Variants in PIGL observed in about 807,000 individuals in gnomAD.
PIGL encodes the protein phosphatidylinositol glycan anchor biosynthesis class L.
A neutral mutation model predicts 31.1 loss-of-function variants in PIGL; 22 were observed. That is an observed-to-expected ratio of 0.71 (90% confidence interval 0.51 to 1.01). The LOEUF (loss-of-function observed/expected upper bound fraction) is 1.01. Among genes scored for constraint, PIGL ranks in the 50% least tolerant of loss-of-function variants. PIGL has a pLI of 0.00. For synonymous variants in PIGL, 131 were observed against 117.4 expected (o/e 1.12, Z -0.75); for missense variants, 302 against 315.9 (o/e 0.96, Z 0.33).
At chr17:16,322,932 A>C (rs570479646) in intron 6 of PIGL, among the ~76,000 whole-genome samples, 8 of 152,232 alleles carry the variant, frequency 5.3e-5, no homozygotes, top group African/African-American at 1.2e-4. Flanking sequence ...TCCTAAGCAC[A>C]AGAGGCTGTA....
intron 4 of PIGL, among the ~76,000 whole-genome samples, chr17:16,314,942 G>A (rs2093069448): frequency 1.3e-5 from 2 of 152,136 alleles, no homozygotes; most frequent in Non-Finnish European, 2.9e-5. Flanking sequence ...CACTGAGCCT[G>A]GTGATTTCTC....
chr17:16,318,903 C>G (rs189003129), intron 6 of PIGL, among the ~76,000 whole-genome samples: 9 of 151,598 alleles, frequency 5.9e-5, no homozygotes, highest in Non-Finnish European at 1.2e-4. Context: ...TGTACTCCAG[C>G]CTGGGTGACA....
At chr17:16,311,297 C>CTT (rs141385032) in intron 3 of PIGL, among the ~76,000 whole-genome samples, 54 of 147,704 alleles carry the variant, frequency 3.7e-4, no homozygotes, top group Non-Finnish European at 5.2e-4. Context: ...TTTGTTTTTT[C>CTT]TTTTTTTTAG....
chr17:16,238,783 C>T (rs2092710262), intron 2 of PIGL, among the ~76,000 whole-genome samples: 2 of 150,608 alleles, frequency 1.3e-5, no homozygotes, highest in Non-Finnish European at 3.0e-5. Context: ...GTGGTACGTG[C>T]CTGTAATCCC....
chr17:16,320,482 C>CAATG (rs71150291), intron 6 of PIGL, among the ~76,000 whole-genome samples: 2 of 130,608 alleles, frequency 1.5e-5, no homozygotes, highest in Admixed American at 1.7e-4. Context: ...AGGGAGGAAA[C>CAATG]GAGGGAGGGA....
intron 2 of PIGL, among the ~76,000 whole-genome samples, chr17:16,289,870 G>T (rs770190524): frequency 6.6e-6 from 1 of 152,092 alleles, no homozygotes; most frequent in Non-Finnish European, 1.5e-5. Context: ...TCCACCTCCT[G>T]GGTTAAAGCG....
intron 2 of PIGL, among the ~76,000 whole-genome samples, chr17:16,256,129 A>G (rs146127994): frequency 8.5e-5 from 13 of 152,320 alleles, no homozygotes; most frequent in Admixed American, 3.3e-4. Flanking sequence ...TACCACAAAA[A>G]TGGGATTCAA....
chr17:16,245,814 A>AT (rs1198422495), intron 2 of PIGL, among the ~76,000 whole-genome samples: 8 of 103,104 alleles, frequency 7.8e-5, no homozygotes, highest in African/African-American at 3.9e-4. Flanking sequence ...ACATATATAT[A>AT]TATATATTTT....
chr17:16,262,456 A>G (rs2092823214), intron 2 of PIGL, among the ~76,000 whole-genome samples: 2 of 152,220 alleles, frequency 1.3e-5, no homozygotes, highest in Admixed American at 1.3e-4. Context: ...TGGAACCCTA[A>G]TACATTGCTG....
intron 2 of PIGL, among the ~76,000 whole-genome samples, chr17:16,281,446 T>C (rs1378922397): frequency 6.6e-6 from 1 of 152,262 alleles, no homozygotes; most frequent in Non-Finnish European, 1.5e-5. Flanking sequence ...TCCCTGAGAA[T>C]GTGTCTAGGC....
intron 2 of PIGL, among the ~76,000 whole-genome samples, chr17:16,245,980 C>A (rs138529066): frequency 1.3e-3 from 198 of 149,080 alleles, no homozygotes; most frequent in African/African-American, 4.6e-3. Flanking sequence ...CCACCTTGAC[C>A]AGCTATTTTT....
At chr17:16,246,670 G>GTCTTTTTTTTTTTT (rs2092748966) in intron 2 of PIGL, among the ~76,000 whole-genome samples, 2 of 106,536 alleles carry the variant, frequency 1.9e-5, no homozygotes, top group Non-Finnish European at 4.1e-5. Flanking sequence ...CCAGATCAAG[G>GTCTTTTTTTTTTTT]TCTTTTTTTT....
At chr17:16,311,469 T>TTTTTTTTTTTTTTTTTTTTTTTTTTTTA (rs2093049866) in intron 3 of PIGL, among the ~76,000 whole-genome samples, 1 of 69,810 alleles carries the variant, frequency 1.4e-5, no homozygotes, top group Non-Finnish European at 2.8e-5. Flanking sequence ...TTTTCTTTCT[T>TTTTTTTTTTTTTTTTTTTTTTTTTTTTA]TTTTTTTTTT....
At position 16,253,946 on chromosome 17, in the gene PIGL, A is replaced by C. The variant is rs1216403755; in HGVS notation, c.335+19876A>C. On this transcript the variant is annotated intron_variant, in intron 2 of 6. Transcript: ENST00000225609. ...TGACAAAACGAGACTTTGTCTAAGT[A>C]AAAAAAAAAAAATAGGACGTCCCAG... Among the ~76,000 whole-genome samples, 123 of 139,290 alleles carry C rather than the reference A, an allele frequency of 8.8e-4. 1 individual carries two copies. The allele number at this position is 139,290 out of a possible 152,430, so 91.4% of individuals were successfully genotyped here. A position where few individuals can be genotyped will look rare whatever the true frequency, so the allele number is the denominator to read the frequency against.
chr17:16,246,024 C>T (rs1189213604), intron 2 of PIGL, among the ~76,000 whole-genome samples: 1 of 150,328 alleles, frequency 6.7e-6, no homozygotes, highest in Non-Finnish European at 1.5e-5. Flanking sequence ...GGGGTTTCAC[C>T]ATGTTAGCCA....
At chr17:16,226,708 G>A (rs1038637639) in intron 1 of PIGL, among the ~76,000 whole-genome samples, 9 of 152,182 alleles carry the variant, frequency 5.9e-5, no homozygotes, top group Non-Finnish European at 1.5e-5. Flanking sequence ...CCTACAGATA[G>A]GATGTAGCCC....
chr17:16,326,247 T>C lies in PIGL; in HGVS notation c.*349T>C, dbSNP rs1302327172. 2 of 221,614 alleles carry C rather than the reference T, an allele frequency of 9.0e-6. No individual in the cohort carries two copies. Among genetic ancestry groups the C allele is most frequent in the East Asian group, 2.0e-4 (2 of 9,944 alleles). The allele number at this position is 221,614 out of a possible 1,614,324, so 13.7% of individuals were successfully genotyped here. A position where few individuals can be genotyped will look rare whatever the true frequency, so the allele number is the denominator to read the frequency against. On this transcript the variant is annotated 3_prime_UTR_variant, in exon 7 of 7. Coordinates refer to ENST00000225609, the MANE Select transcript of PIGL (RefSeq NM_004278.4). ...ATCATAAATGAACATAAAAGTGCTC[T>C]AAAAACACTCCACAGATGTGACTTT...
At chr17:16,312,227 C>A (rs1430022797) in intron 3 of PIGL, among the ~76,000 whole-genome samples, 1 of 151,268 alleles carries the variant, frequency 6.6e-6, no homozygotes, top group Non-Finnish European at 1.5e-5. Flanking sequence ...GGCGGAGGGG[C>A]TCCTCACTTC....
intron 2 of PIGL, among the ~76,000 whole-genome samples, chr17:16,258,069 A>AAGAGAGAGAGAGAGAGAGAGAGAGAGAG (rs749459552): frequency 2.2e-5 from 2 of 90,478 alleles, no homozygotes; most frequent in African/African-American, 9.9e-5. Flanking sequence ...GTCAGAAAGA[A>AAGAGAGAGAGAGAGAGAGAGAGAGAGAG]AGAGAGAGAG....
Sources: gnomAD v4.1 joint callset for allele counts (sites outside exome capture counted in the v4.1 genomes callset) on GRCh38, gnomAD v4.1.1 for gene constraint, MANE v1.5 for transcripts, NCBI Gene and HGNC (gene_info 2026-07-23, HGNC 2026-07-21) for gene names.